The following ITGA1 variants were observed in gnomAD, a reference collection of about 807,000 sequenced individuals.
ITGA1 encodes the protein integrin subunit alpha 1.
ITGA1 carries 85 observed loss-of-function variants against 145.9 expected under a neutral mutation model. The ratio of observed to expected loss-of-function variants is 0.58; its 90% CI spans 0.49 to 0.70. The LOEUF (loss-of-function observed/expected upper bound fraction) is 0.70, where lower values mean the gene tolerates loss of function less well. ITGA1 is among the 30% of genes least tolerant of loss of function. ITGA1 has a pLI of 0.00. For missense variants in ITGA1, 1,351 were observed against 1,418.7 expected, an observed-to-expected ratio of 0.95 and a Z score of 0.77; for synonymous variants, 520 against 495.3, an observed-to-expected ratio of 1.05 and a Z score of -0.66.
At chr5:52,821,973 G>A (rs531550155) in intron 1 of ITGA1, among the ~76,000 whole-genome samples, 1 of 152,110 alleles carries the variant, frequency 6.6e-6, no homozygotes, top group South Asian at 2.1e-4. Flanking sequence ...ATTGCTTTTA[G>A]GAATGAATAT....
intron 5 of ITGA1, 112 bp from the exon 6 acceptor site, chr5:52,865,578 T>C: frequency 3.6e-6 from 3 of 839,184 alleles, no homozygotes; most frequent in Non-Finnish European, 5.2e-6. Flanking sequence ...GTGTCTACTT[T>C]GGAGAACATC....
intron 2 of ITGA1, among the ~76,000 whole-genome samples, chr5:52,854,840 GAA>G (rs1283536256): frequency 1.3e-5 from 2 of 152,072 alleles, no homozygotes; most frequent in East Asian, 3.9e-4. Context: ...TATTCATGGA[GAA>G]AAGTGTTTCT....
At position 52,949,641 on chromosome 5, in the gene ITGA1, G is replaced by T. The variant is rs78570977; in HGVS notation, c.3495+2180G>T. Reference sequence around the variant, plus strand: ...GGCTCTTTACTCTGGAGCTCCAGGAGTTGGGTTTTGTTCAAGAGAGTCATG... The same window carrying T: ...GGCTCTTTACTCTGGAGCTCCAGGATTTGGGTTTTGTTCAAGAGAGTCATG... On this transcript the variant is annotated intron_variant, in intron 28 of 28. Transcript: ENST00000282588. Among the ~76,000 whole-genome samples, 299 of 152,240 alleles carry T rather than the reference G, an allele frequency of 2.0e-3. 5 individuals are homozygous for T. In the East Asian group the frequency reaches 0.043, roughly 22 times the overall value.
intron 27 of ITGA1, among the ~76,000 whole-genome samples, chr5:52,946,245 C>T (rs1168114724): frequency 6.6e-6 from 1 of 152,142 alleles, no homozygotes; most frequent in African/African-American, 2.4e-5. Context: ...TGTTTAAAAT[C>T]TGCCTTGCTG....
chr5:52,893,893 A>G, intron 9 of ITGA1, 53 bp downstream of exon 9: 1 of 1,394,280 alleles, frequency 7.2e-7, no homozygotes, highest in Non-Finnish European at 9.9e-7. Flanking sequence ...CAAAATCAGT[A>G]TAATGGGATT....
chr5:52,891,622 T>C (rs1490784644), intron 8 of ITGA1, among the ~76,000 whole-genome samples: 1 of 148,912 alleles, frequency 6.7e-6, no homozygotes, highest in African/African-American at 2.5e-5. Flanking sequence ...TGGTAAAAAC[T>C]AATTTTTTTA....
At position 52,801,476 on chromosome 5, in the gene ITGA1, G is replaced by A. The variant is rs1258957351; in HGVS notation, c.61+13062G>A. On this transcript the variant is annotated intron_variant, in intron 1 of 28. Coordinates refer to ENST00000282588, the MANE Select transcript of ITGA1 (RefSeq NM_181501.2). ...CTTTGTGACCCTACTGTGGCTAGCC[G>A]CCTTTCAGACACTAAAGCTGCTGGG... 1.1e-5 allele frequency: 17 copies of A among 1,613,862 alleles called. No individual in the cohort carries two copies. The Admixed American group carries it at 2.8e-4, about 27-fold the overall frequency.
At chr5:52,833,036 A>T (rs1398012009) in intron 1 of ITGA1, among the ~76,000 whole-genome samples, 1 of 151,990 alleles carries the variant, frequency 6.6e-6, no homozygotes, top group African/African-American at 2.4e-5. Flanking sequence ...TACTAAAAAT[A>T]CAAAAATTAG....
chr5:52,905,919 A>C lies in ITGA1; in HGVS notation c.1455+11A>C. On this transcript the variant is annotated intron_variant, in intron 12 of 28. Coordinates refer to ENST00000282588, the MANE Select transcript of ITGA1 (RefSeq NM_181501.2). ...CTCAGTGGAGAACAGGTAAACTTGAAAAATATTCTTTTATTTAAATTAATC... is the reference window on the plus strand; with the variant it reads ...CTCAGTGGAGAACAGGTAAACTTGACAAATATTCTTTTATTTAAATTAATC... 1 of 1,606,014 alleles carries C rather than the reference A, an allele frequency of 6.2e-7. No homozygotes were observed. The highest frequency in any genetic ancestry group is 8.5e-7 in the Non-Finnish European group (1 of 1,174,856).
At chr5:52,885,289 G>A (rs1452077995) in intron 7 of ITGA1, among the ~76,000 whole-genome samples, 2 of 152,128 alleles carry the variant, frequency 1.3e-5, no homozygotes, top group Admixed American at 6.5e-5. Flanking sequence ...TGGAGAATGA[G>A]AGCTGGGGCT....
rs187540215 is a variant in ITGA1 at position 52,952,065 on chromosome 5, C to T, written c.3496-342C>T. On this transcript the variant is annotated intron_variant, in intron 28 of 28. Coordinates refer to ENST00000282588, the MANE Select transcript of ITGA1 (RefSeq NM_181501.2). Reference sequence around the variant, plus strand: ...ATTAGCTGGGCATGGTGGTGCATGCCTGTAGTCCCAGCTACCCAGGAGGCT... The same window carrying T: ...ATTAGCTGGGCATGGTGGTGCATGCTTGTAGTCCCAGCTACCCAGGAGGCT... Among the ~76,000 whole-genome samples, 857 of 152,066 alleles carry T rather than the reference C, an allele frequency of 5.6e-3. 27 individuals are homozygous for T. Among genetic ancestry groups the T allele is most frequent in the Admixed American group, 0.049 (742 of 15,266 alleles).
chr5:52,792,543 G>A (rs987263750), intron 1 of ITGA1, among the ~76,000 whole-genome samples: 2 of 152,002 alleles, frequency 1.3e-5, no homozygotes, highest in Non-Finnish European at 2.9e-5. Context: ...ATGAGCTCTT[G>A]GGCCACAGCT....
At chr5:52,938,014 C>T (rs1373905714) in intron 24 of ITGA1, among the ~76,000 whole-genome samples, 1 of 152,162 alleles carries the variant, frequency 6.6e-6, no homozygotes, top group Non-Finnish European at 1.5e-5. Flanking sequence ...GTGATCTCAT[C>T]TGGAGATCCT....
intron 24 of ITGA1, among the ~76,000 whole-genome samples, 190 bp from the exon 25 acceptor site, chr5:52,939,400 A>T (rs1751019301): frequency 6.6e-6 from 1 of 152,210 alleles, no homozygotes; most frequent in African/African-American, 2.4e-5. Flanking sequence ...AGTACATATT[A>T]TCTTGGGGTG....
intron 1 of ITGA1, among the ~76,000 whole-genome samples, chr5:52,793,130 C>T (rs535971925): frequency 2.0e-5 from 3 of 152,194 alleles, no homozygotes; most frequent in African/African-American, 7.2e-5. Flanking sequence ...ATGTGTATCC[C>T]AGCACCTTTG....
At position 52,952,534 on chromosome 5, in the gene ITGA1, A is replaced by T. The variant is rs1299172433; in HGVS notation, c.*83A>T. On this transcript the variant is annotated 3_prime_UTR_variant, in exon 29 of 29. Transcript: ENST00000282588. ...TCAAATATGTGACAAGAAATGTATA[A>T]TTCATGACATAGTCATGTAACTATG... 1.7e-6 allele frequency: 1 copy of T among 584,192 alleles called. No individual in the cohort carries two copies. The highest frequency in any genetic ancestry group is 3.4e-5 in the East Asian group (1 of 29,614). The allele number at this position is 584,192 out of a possible 1,614,324, so 36.2% of individuals were successfully genotyped here.
intron 1 of ITGA1, among the ~76,000 whole-genome samples, chr5:52,818,080 C>T (rs1294330591): frequency 6.6e-6 from 1 of 152,088 alleles, no homozygotes; most frequent in Non-Finnish European, 1.5e-5. Context: ...TGAACCCTGG[C>T]CTAGAGCATG....
At position 52,927,620 on chromosome 5, in the gene ITGA1, A is replaced by G; in HGVS notation, c.2650A>G (p.Ile884Val). ...AGACAGTTGTGAATCTAATCATAAT[A>G]TCACATGTAAAGTTGGATATCCCTT... is the stretch of plus-strand genomic sequence containing the variant. The part of the protein sequence containing the change: ...QKDSCESNHN[I>V]TCKVGYPFLR... Residue 884 changes from isoleucine (I) to valine (V), a missense_variant, in exon 20 of 29, where the codon ATC becomes GTC. Transcript: ENST00000282588. 2 of 1,611,902 alleles carry G rather than the reference A, an allele frequency of 1.2e-6. No individual in the cohort carries two copies. The highest frequency in any genetic ancestry group is 1.7e-5 in the Admixed American group (1 of 59,942).
intron 1 of ITGA1, among the ~76,000 whole-genome samples, chr5:52,796,328 G>A (rs1241302240): frequency 6.6e-6 from 1 of 151,748 alleles, no homozygotes; most frequent in Non-Finnish European, 1.5e-5. Flanking sequence ...TCCCCTTCTG[G>A]AGAGATTAAT....
Sources: gnomAD v4.1 joint callset for allele counts (sites outside exome capture counted in the v4.1 genomes callset) on GRCh38, gnomAD v4.1.1 for gene constraint, MANE v1.5 for transcripts, NCBI Gene and HGNC (gene_info 2026-07-23, HGNC 2026-07-21) for gene names.